Variants in CUBN observed in about 807,000 individuals in gnomAD.
CUBN encodes the protein cubilin, also known as 460 kDa receptor.
CUBN carries 282 observed loss-of-function variants against 405.3 expected under a neutral mutation model. The ratio of observed to expected loss-of-function variants is 0.70; its 90% CI spans 0.63 to 0.77. The LOEUF (loss-of-function observed/expected upper bound fraction) is 0.77. Ranked by LOEUF, CUBN falls within the 30% of genes least tolerant of loss-of-function variation. The pLI, the probability that CUBN is intolerant of heterozygous loss-of-function variation, is 0.00. For synonymous variants in CUBN, 1,684 were observed against 1,617.0 expected (o/e 1.04, Z -0.99); for missense variants, 4,514 against 4,475.2 (o/e 1.01, Z -0.25).
intron 54 of CUBN, 85 bp downstream of exon 54, chr10:16,898,911 T>C: frequency 9.3e-7 from 1 of 1,072,672 alleles, no homozygotes; most frequent in Non-Finnish European, 1.5e-6. Flanking sequence ...TTTTCTTACT[T>C]TGAGCGACAA....
chr10:16,984,189 C>T lies in CUBN; in HGVS notation c.4441G>A (p.Gly1481Arg). ...TTGAATCGAATTGCTAGCTCATTTCCAGTGCTGGAGACCTGCATGGGGTTC... is the reference window on the plus strand; with the variant it reads ...TTGAATCGAATTGCTAGCTCATTTCTAGTGCTGGAGACCTGCATGGGGTTC... ...PENPMQVSSTGNELAIRFKTD... is the reference protein window; with the variant it reads ...PENPMQVSSTRNELAIRFKTD... Residue 1481 changes from glycine (G) to arginine (R), a missense_variant, in exon 30 of 67, where the codon GGA becomes AGA. This residue lies in a region of CUBN where 1,613 missense variants were observed against 1,542.8 expected (regional missense o/e 1.05). Coordinates refer to ENST00000377833, the MANE Select transcript of CUBN (RefSeq NM_001081.4). 1.2e-6 allele frequency: 2 copies of T among 1,614,170 alleles called. No individual in the cohort carries two copies.
chr10:16,847,181 G>T (rs984102816), intron 60 of CUBN, among the ~76,000 whole-genome samples: 1 of 152,172 alleles, frequency 6.6e-6, no homozygotes, highest in African/African-American at 2.4e-5. Context: ...GGCCGGGCGT[G>T]GTGGCTCATG....
rs574213505 is a variant in CUBN, at chr10:16,836,329, T to A, written c.10086A>T (p.Pro3362=). 6.2e-7 allele frequency: 1 copy of A among 1,613,934 alleles called. No homozygotes were observed. Among genetic ancestry groups the A allele is most frequent in the East Asian group, 2.2e-5 (1 of 44,882 alleles). The change falls in exon 63 of 67, where the codon CCA becomes CCT. Residue 3362 remains proline, a synonymous_variant. Transcript: ENST00000377833. ...QFCGRNASAV[P]VFYSSMSTAM... ...CAGTACTCATAGAAGAATAAAACACTGGCACAGCCGAAGCATTTCTGCCAC... is the reference window on the plus strand; with the variant it reads ...CAGTACTCATAGAAGAATAAAACACAGGCACAGCCGAAGCATTTCTGCCAC...
At chr10:17,105,191 G>A (rs1836596336) in intron 11 of CUBN, among the ~76,000 whole-genome samples, 1 of 152,050 alleles carries the variant, frequency 6.6e-6, no homozygotes, top group Non-Finnish European at 1.5e-5. Context: ...GGTTTAAATG[G>A]TAATTGTTTT....
Position 16,925,721 on chromosome 10 carries a change from G to T in CUBN, c.6325C>A (p.Pro2109Thr), listed in dbSNP as rs1842168576. The change falls in exon 42 of 67, where the codon CCA becomes ACA. Residue 2109 changes from proline to threonine, a missense_variant. By Grantham distance (38) the Pro-to-Thr change is conservative (BLOSUM62 -1). Coordinates refer to ENST00000377833, the MANE Select transcript of CUBN (RefSeq NM_001081.4). ...TTGAGGTTGGATGGGTAAGTCTCTG[G>T]ATACTTGGGGGACGTGATGATCCCT... ...DRGIITSPKYPETYPSNLNCS... is the reference protein window; with the variant it reads ...DRGIITSPKYTETYPSNLNCS... The T allele has an allele frequency of 1.9e-6, 3 of 1,613,872 alleles. No individual in the cohort carries two copies. The African/African-American group carries it at 4.0e-5, about 22-fold the overall frequency.
At chr10:17,126,361 T>C (rs1341726586) in intron 4 of CUBN, among the ~76,000 whole-genome samples, 7 of 152,242 alleles carry the variant, frequency 4.6e-5, no homozygotes, top group African/African-American at 1.7e-4. Flanking sequence ...GACTATTTTG[T>C]GATACACCTA....
chr10:16,856,856 G>C (rs1029801771), intron 59 of CUBN, among the ~76,000 whole-genome samples: 1 of 152,176 alleles, frequency 6.6e-6, no homozygotes, highest in Non-Finnish European at 1.5e-5. Flanking sequence ...GAAACTACAG[G>C]AAGCAGAATA....
At chr10:17,122,385 G>T (rs956183578) in intron 6 of CUBN, 1 of 306,772 alleles carries the variant, frequency 3.3e-6, no homozygotes, top group Non-Finnish European at 6.6e-6. Flanking sequence ...CTATGAGCTT[G>T]CTAATACATG....
chr10:16,991,534 G>A (rs918909452), intron 28 of CUBN, among the ~76,000 whole-genome samples: 6 of 151,940 alleles, frequency 3.9e-5, no homozygotes, highest in Non-Finnish European at 7.4e-5. Flanking sequence ...GCTTATGAGA[G>A]ACACAATTAG....
At chr10:17,040,902 G>T in intron 27 of CUBN, 131 bp downstream of exon 27, 1 of 775,014 alleles carries the variant, frequency 1.3e-6, no homozygotes. Flanking sequence ...CAAATACCAT[G>T]GGTGGTTGGT....
intron 59 of CUBN, among the ~76,000 whole-genome samples, chr10:16,868,404 A>G (rs1840248568): frequency 6.6e-6 from 1 of 152,234 alleles, no homozygotes; most frequent in South Asian, 2.1e-4. Context: ...AAGTTTGAAA[A>G]GTGAATCAGG....
chr10:16,935,900 A>G lies in CUBN; in HGVS notation c.5926+1692T>C, dbSNP rs894931704. 9.9e-5 allele frequency among the ~76,000 whole-genome samples: 15 copies of G among 151,188 alleles called. No homozygotes were observed. In the East Asian group the frequency reaches 2.5e-3, roughly 25 times the overall value. On this transcript the variant is annotated intron_variant, in intron 39 of 66. Coordinates refer to ENST00000377833, the MANE Select transcript of CUBN (RefSeq NM_001081.4). ...ATCTCAAAAAAAAAAAAAAAAAGAA[A>G]AAAAAAAAGAAAGAAATACTGATAG...
chr10:17,127,707 A>G, intron 3 of CUBN, 122 bp downstream of exon 3: 1 of 669,874 alleles, frequency 1.5e-6, no homozygotes, highest in Non-Finnish European at 2.7e-6. Flanking sequence ...CCAAACAGTG[A>G]GTAGTTACAT....
intron 10 of CUBN, among the ~76,000 whole-genome samples, chr10:17,107,787 G>A (rs971308949): frequency 1.3e-5 from 2 of 151,940 alleles, no homozygotes; most frequent in African/African-American, 4.8e-5. Context: ...GTGAGCCACC[G>A]CGCCTGGCAA....
At position 16,840,396 on chromosome 10, in the gene CUBN, C is replaced by A; in HGVS notation, c.9966G>T (p.Val3322=). ...CTTGCGAGGTCAGCTGTAATGCCCA[C>A]ACAGTTATCTTGACCTGCTGATGCG... ...SPPHQQVKIT[V]WALQLTSQDC... The change falls in exon 62 of 67, where the codon GTG becomes GTT. Residue 3322 remains valine, a synonymous_variant. Transcript: ENST00000377833. 1 of 1,614,116 alleles carries A rather than the reference C, an allele frequency of 6.2e-7. No homozygotes were observed. Among genetic ancestry groups the A allele is most frequent in the Non-Finnish European group, 8.5e-7 (1 of 1,180,024 alleles).
chr10:17,024,528 C>T (rs1048635379), intron 27 of CUBN, among the ~76,000 whole-genome samples: 6 of 151,990 alleles, frequency 3.9e-5, no homozygotes, highest in African/African-American at 1.4e-4. Flanking sequence ...TTGTTTGAGA[C>T]AGGATCTTGC....
intron 56 of CUBN, among the ~76,000 whole-genome samples, chr10:16,878,967 GA>G (rs1392019489): frequency 6.6e-6 from 1 of 152,134 alleles, no homozygotes; most frequent in Non-Finnish European, 1.5e-5. Context: ...TTCATCAGTT[GA>G]CAGACATTTG....
chr10:16,884,207 C>T (rs1252075750), intron 56 of CUBN, among the ~76,000 whole-genome samples: 1 of 152,134 alleles, frequency 6.6e-6, no homozygotes, highest in East Asian at 1.9e-4. Flanking sequence ...TGTTCTCGAC[C>T]CCCTGACCTC....
At chr10:16,984,948 C>T (rs750001612) in intron 29 of CUBN, among the ~76,000 whole-genome samples, 2 of 152,242 alleles carry the variant, frequency 1.3e-5, no homozygotes, top group Non-Finnish European at 2.9e-5. Context: ...CTGCTCCCAG[C>T]ACGCCCATGC....
Sources: allele counts gnomAD v4.1 joint callset (sites outside exome capture counted in the v4.1 genomes callset), GRCh38; gene constraint gnomAD v4.1.1; regional missense constraint gnomAD v4.1.1; transcripts MANE v1.5; gene names NCBI Gene and HGNC (gene_info 2026-07-23, HGNC 2026-07-21).